ARGFX: variants seen among roughly 807,000 people sequenced by gnomAD.
ARGFX encodes the protein arginine-fifty homeobox.
A neutral mutation model predicts 8.0 loss-of-function variants in ARGFX; 10 were observed. The observed-to-expected ratio is 1.25, with a 90% CI of 0.77 to 2.12. The LOEUF is 2.12. ARGFX is among the 30% of genes most tolerant of loss of function. ARGFX has a pLI of 0.00. For synonymous variants in ARGFX, 116 were observed against 117.8 expected (o/e 0.98, Z 0.10); for missense variants, 282 against 324.3 (o/e 0.87, Z 1.00).
At chr3:121,578,672 CT>C (rs34085338) in intron 3 of ARGFX, among the ~76,000 whole-genome samples, 40,092 of 139,980 alleles carry the variant, frequency 0.29, 5,738 homozygotes, top group East Asian at 0.62. Flanking sequence ...ATAGTTTTAT[CT>C]TTTTTTTTTT....
chr3:121,586,210 T>G lies in ARGFX; in HGVS notation c.558T>G (p.Pro186=). Residue 186 remains proline, a synonymous_variant, in exon 5 of 5, where the codon CCT becomes CCG. Transcript: ENST00000334384. ...CCCTTCCATCTCAGCCCTTAGACCC[T>G]TCCAATTGGGCATGGAACTCTACCT... ...YSSLPSQPLD[P]SNWAWNSTFT... is the part of the protein sequence containing the mutation. The G allele has an allele frequency of 6.2e-7, 1 of 1,613,964 alleles. No individual in the cohort carries two copies. Among genetic ancestry groups the G allele is most frequent in the Non-Finnish European group, 8.5e-7 (1 of 1,179,938 alleles).
rs778513914 is a variant in ARGFX, at chr3:121,589,172, CAATA to C, written c.*2585_*2588del. ...CTTGAGCAACACAGTGATACTGTCT[CAATA>C]AATAAATAAATAGAAGAAATCATGA... On this transcript the variant is annotated 3_prime_UTR_variant, in exon 5 of 5. Transcript: ENST00000334384. 8.6e-5 allele frequency among the ~76,000 whole-genome samples: 13 copies of C among 151,810 alleles called. No individual in the cohort carries two copies. The highest frequency in any genetic ancestry group is 2.6e-4 in the Admixed American group (4 of 15,216).
At position 121,588,343 on chromosome 3, in the gene ARGFX, T is replaced by G. The variant is rs1016352290; in HGVS notation, c.*1743T>G. Reference sequence around the variant, plus strand: ...AAAAAAAAAAAAAAGCCAGGCATGGTGGCACACACCTGTAATCCCAGCTAC... The same window carrying G: ...AAAAAAAAAAAAAAGCCAGGCATGGGGGCACACACCTGTAATCCCAGCTAC... On this transcript the variant is annotated 3_prime_UTR_variant, in exon 5 of 5. Transcript: ENST00000334384. Among the ~76,000 whole-genome samples the G allele has an allele frequency of 1.4e-5, 2 of 141,244 alleles. No individual in the cohort carries two copies. The highest frequency in any genetic ancestry group is 2.6e-5 in the African/African-American group (1 of 38,216). 92.7% of individuals were successfully genotyped at this position (141,244 alleles called of 152,430 possible). A position where few individuals can be genotyped will look rare whatever the true frequency, so the allele number is the denominator to read the frequency against.
At chr3:121,576,974 G>C (rs560526344) in intron 3 of ARGFX, 74 bp downstream of exon 3, 57 of 156,316 alleles carry the variant, frequency 3.6e-4, no homozygotes, top group Middle Eastern at 2.8e-3. Flanking sequence ...AAACTCCTAA[G>C]ACAGAGCAAG....
At position 121,585,134 on chromosome 3, in the gene ARGFX, C is replaced by T. The variant is rs879003102; in HGVS notation, c.369+69C>T. On this transcript the variant is annotated intron_variant, in intron 4 of 4. Transcript: ENST00000334384. ...ATTCACCTATCCAGCCTGGAAATTC[C>T]CCACCCTCTACCCCTGCCCCACAAT... The T allele has an allele frequency of 1.1e-4, 162 of 1,540,438 alleles. No homozygotes were observed. In the East Asian group the frequency reaches 2.4e-3, roughly 22 times the overall value.
chr3:121,572,528 G>A (rs950927996), intron 2 of ARGFX, among the ~76,000 whole-genome samples: 2 of 152,100 alleles, frequency 1.3e-5, no homozygotes, highest in Non-Finnish European at 2.9e-5. Context: ...TTACAGGCAT[G>A]AGCCACCACT....
At chr3:121,575,194 C>T (rs987838496) in intron 2 of ARGFX, among the ~76,000 whole-genome samples, 5 of 152,054 alleles carry the variant, frequency 3.3e-5, no homozygotes, top group African/African-American at 4.8e-5. Flanking sequence ...GTGGCGTGTG[C>T]CTGTAGTCCC....
At chr3:121,568,850 A>G (rs1300389510) in intron 1 of ARGFX, among the ~76,000 whole-genome samples, 1 of 152,134 alleles carries the variant, frequency 6.6e-6, no homozygotes, top group Non-Finnish European at 1.5e-5. Context: ...GTGAAGTTTA[A>G]TTTCTTTTCA....
At chr3:121,584,764 C>T (rs2048801300) in intron 3 of ARGFX, among the ~76,000 whole-genome samples, 153 bp from the exon 4 acceptor site, 1 of 152,202 alleles carries the variant, frequency 6.6e-6, no homozygotes, top group African/African-American at 2.4e-5. Context: ...GACTCAAGAC[C>T]TGGGATCTGC....
At chr3:121,576,617 A>G (rs1576441761) in intron 2 of ARGFX, among the ~76,000 whole-genome samples, 167 bp from the exon 3 acceptor site, 1 of 152,218 alleles carries the variant, frequency 6.6e-6, no homozygotes, top group South Asian at 2.1e-4. Context: ...GATTACAGGC[A>G]TGAGCCACCA....
intron 2 of ARGFX, among the ~76,000 whole-genome samples, chr3:121,574,508 G>A (rs928273135): frequency 2.0e-5 from 3 of 152,208 alleles, no homozygotes; most frequent in Admixed American, 1.3e-4. Flanking sequence ...TTCTCATAAT[G>A]AGCATGCAAC....
rs1191704385 is a variant in ARGFX, at chr3:121,586,031, A to G, written c.379A>G (p.Arg127Gly). The G allele has an allele frequency of 1.9e-6, 3 of 1,572,840 alleles. No individual in the cohort carries two copies. The highest frequency in any genetic ancestry group is 2.6e-6 in the Non-Finnish European group (3 of 1,160,904). ...LPESTVKVWF[R>G]NRRFKLKKQQ... ...CTTCCCCTACTCCCAGGTTTGGTTC[A>G]GGAACCGGCGATTCAAATTGAAGAA... Residue 127 changes from arginine to glycine, a missense_variant, in exon 5 of 5, where the codon AGG (arginine) becomes GGG (glycine). By Grantham distance (125) the Arg-to-Gly change is moderately radical. Coordinates refer to ENST00000334384, the MANE Select transcript of ARGFX (RefSeq NM_001012659.2).
At chr3:121,582,442 AG>A (rs1174146097) in intron 3 of ARGFX, among the ~76,000 whole-genome samples, 26 of 152,344 alleles carry the variant, frequency 1.7e-4, no homozygotes, top group Non-Finnish European at 2.9e-4. Context: ...AAATGTGAGC[AG>A]AAAAAAATCA....
At chr3:121,570,360 T>A (rs538212113) in intron 1 of ARGFX, among the ~76,000 whole-genome samples, 1 of 152,352 alleles carries the variant, frequency 6.6e-6, no homozygotes, top group East Asian at 1.9e-4. Context: ...AAAAGAACTG[T>A]CTTTGTTTCT....
intron 4 of ARGFX, 48 bp from the exon 5 acceptor site, chr3:121,585,974 C>G: frequency 1.3e-6 from 2 of 1,494,136 alleles, no homozygotes; most frequent in Non-Finnish European, 1.8e-6. Flanking sequence ...TCCTCCAATG[C>G]CTCCTCCAAT....
chr3:121,583,984 G>A (rs1212615679), intron 3 of ARGFX, among the ~76,000 whole-genome samples: 1 of 152,118 alleles, frequency 6.6e-6, no homozygotes, highest in East Asian at 1.9e-4. Context: ...ACATCAGCCT[G>A]AGCAATGTAA....
intron 2 of ARGFX, among the ~76,000 whole-genome samples, chr3:121,574,989 T>A (rs1222385506): frequency 2.6e-5 from 4 of 152,114 alleles, no homozygotes; most frequent in Non-Finnish European, 5.9e-5. Context: ...ACAATTTCAG[T>A]GGTTTTAAAA....
At chr3:121,574,679 C>T (rs1182138615) in intron 2 of ARGFX, among the ~76,000 whole-genome samples, 2 of 152,210 alleles carry the variant, frequency 1.3e-5, no homozygotes, top group Admixed American at 1.3e-4. Context: ...CGCTGCTCAC[C>T]TCCTGCTGTG....
intron 3 of ARGFX, among the ~76,000 whole-genome samples, chr3:121,581,749 C>A (rs575413363): frequency 2.7e-4 from 41 of 152,052 alleles, no homozygotes; most frequent in South Asian, 8.3e-4. Context: ...CACACACACA[C>A]AAAAATTAGC....
Sources: allele counts gnomAD v4.1 joint callset (sites outside exome capture counted in the v4.1 genomes callset), GRCh38; gene constraint gnomAD v4.1.1; transcripts MANE v1.5; gene names NCBI Gene and HGNC (gene_info 2026-07-23, HGNC 2026-07-21).